DHDDS: variants seen among roughly 807,000 people sequenced by gnomAD.
The protein encoded by DHDDS is dehydrodolichyl diphosphate synthase complex subunit DHDDS.
A neutral mutation model predicts 46.2 loss-of-function variants in DHDDS; 16 were observed. The ratio of observed to expected loss-of-function variants is 0.35; its 90% confidence interval spans 0.23 to 0.53. DHDDS has a LOEUF of 0.53. Among genes scored for constraint, DHDDS ranks in the 20% least tolerant of loss-of-function variants. The pLI is 0.94. For synonymous variants in DHDDS, 151 were observed against 163.1 expected, an observed-to-expected ratio of 0.93 and a Z score of 0.56; for missense variants, 340 against 423.7, an observed-to-expected ratio of 0.80 and a Z score of 1.73.
chr1:26,468,361 C>T (rs184513932), intron 8 of DHDDS, among the ~76,000 whole-genome samples: 1 of 152,172 alleles, frequency 6.6e-6, no homozygotes, highest in Admixed American at 6.5e-5. Context: ...GGAAGTGACC[C>T]AAGGGACATG....
chr1:26,468,631 A>C (rs2075517158), intron 8 of DHDDS, among the ~76,000 whole-genome samples: 2 of 152,170 alleles, frequency 1.3e-5, no homozygotes, highest in African/African-American at 4.8e-5. Context: ...TTTGGTTCCA[A>C]GAGCATGAGA....
intron 2 of DHDDS, among the ~76,000 whole-genome samples, chr1:26,434,673 G>A (rs912228828): frequency 2.6e-4 from 39 of 152,240 alleles, no homozygotes; most frequent in South Asian, 8.3e-4. Context: ...TCTTTTTTGA[G>A]ATGCAGTCTT....
chr1:26,463,588 C>T lies in DHDDS; in HGVS notation c.765+3444C>T, dbSNP rs181413265. Reference sequence around the variant, plus strand: ...ATGGCGTGATCTCGGCTCACTGCAACCTCCGCCTCCCAGGTTCAAGCGATT... The same window carrying T: ...ATGGCGTGATCTCGGCTCACTGCAATCTCCGCCTCCCAGGTTCAAGCGATT... On this transcript the variant is annotated intron_variant, in intron 8 of 8. Coordinates refer to ENST00000236342, the MANE Select transcript of DHDDS (RefSeq NM_205861.3). Among the ~76,000 whole-genome samples, 32 of 152,164 alleles carry T rather than the reference C, an allele frequency of 2.1e-4. No individual in the cohort carries two copies. In the East Asian group the frequency reaches 5.2e-3, roughly 25 times the overall value.
Position 26,436,333 on chromosome 1 carries a change from G to A in DHDDS, c.64-1835G>A, listed in dbSNP as rs181423446. ...AGGACCTTTCTCCTCCCGAAAGGTG[G>A]AGGTTGCAAATGACCTGAGATAACA... On this transcript the variant is annotated intron_variant, in intron 2 of 8. Coordinates refer to ENST00000236342, the MANE Select transcript of DHDDS (RefSeq NM_205861.3). 9.2e-5 allele frequency among the ~76,000 whole-genome samples: 14 copies of A among 152,204 alleles called. No homozygotes were observed. The East Asian group carries it at 2.7e-3, about 30-fold the overall frequency.
chr1:26,458,951 T>C (rs1436707558), intron 7 of DHDDS, among the ~76,000 whole-genome samples: 1 of 151,872 alleles, frequency 6.6e-6, no homozygotes, highest in African/African-American at 2.4e-5. Context: ...GAATCTCATG[T>C]CTTACAAAAA....
At chr1:26,463,679 T>C (rs932065075) in intron 8 of DHDDS, among the ~76,000 whole-genome samples, 1 of 151,894 alleles carries the variant, frequency 6.6e-6, no homozygotes, top group Non-Finnish European at 1.5e-5. Context: ...GCTAATTTTA[T>C]ATTTTTAGTA....
intron 4 of DHDDS, among the ~76,000 whole-genome samples, chr1:26,443,858 T>C (rs901742206): frequency 1.3e-5 from 2 of 152,240 alleles, no homozygotes; most frequent in Non-Finnish European, 1.5e-5. Context: ...TTAAAGTGTT[T>C]ACTATATGCC....
chr1:26,468,747 C>T lies in DHDDS; in HGVS notation c.766-148C>T, dbSNP rs751832754. 2.0e-4 allele frequency: 225 copies of T among 1,119,402 alleles called. 2 individuals are homozygous for T. The Middle Eastern group carries it at 3.8e-3, about 19-fold the overall frequency. 69.3% of individuals were successfully genotyped at this position (1,119,402 alleles called of 1,614,324 possible). ...ATGAGCACCACCCACTGCATACCTA[C>T]TCCCAAGCCTTTTCAAATCTGGTAC... On this transcript the variant is annotated intron_variant, in intron 8 of 8. Transcript: ENST00000236342.
intron 4 of DHDDS, 184 bp downstream of exon 4, chr1:26,443,057 TAATAAAAAAGGGGGCA>T (rs1553121613): frequency 1.0e-4 from 120 of 1,166,824 alleles, no homozygotes; most frequent in Non-Finnish European, 1.3e-4. Context: ...TCTAACTTTT[TAATAAAAAAGGGGGCA>T]TTTATTTGAG....
At chr1:26,451,104 A>C (rs893213440) in intron 6 of DHDDS, among the ~76,000 whole-genome samples, 1 of 152,100 alleles carries the variant, frequency 6.6e-6, no homozygotes, top group Non-Finnish European at 1.5e-5. Flanking sequence ...TGCATGGTTT[A>C]GTAACTTGCC....
At chr1:26,464,514 C>T (rs1056735388) in intron 8 of DHDDS, among the ~76,000 whole-genome samples, 2 of 151,832 alleles carry the variant, frequency 1.3e-5, no homozygotes, top group East Asian at 3.9e-4. Flanking sequence ...AGGTCCTGGC[C>T]AGGCTTTCTC....
chr1:26,465,964 T>C (rs1422165516), intron 8 of DHDDS, among the ~76,000 whole-genome samples: 1 of 152,204 alleles, frequency 6.6e-6, no homozygotes, highest in Non-Finnish European at 1.5e-5. Context: ...GCAGCCTCTC[T>C]CCAGGTGCCA....
intron 8 of DHDDS, among the ~76,000 whole-genome samples, chr1:26,463,901 G>T (rs1347385080): frequency 6.6e-6 from 1 of 151,062 alleles, no homozygotes; most frequent in Non-Finnish European, 1.5e-5. Flanking sequence ...GCAATTGGTT[G>T]TATAGTTCTG....
In DHDDS at chr1:26,447,786, A is replaced by T. The variant is rs775930566; in HGVS notation, c.542+126A>T. 6 of 799,148 alleles carry T rather than the reference A, an allele frequency of 7.5e-6. No individual in the cohort carries two copies. The East Asian group carries it at 1.6e-4, about 21-fold the overall frequency. 49.5% of individuals were successfully genotyped at this position (799,148 alleles called of 1,614,324 possible). ...GGCAGTCCACTTGAGGCAGGCCAGG[A>T]GTTCAAGACCAGCCTGGCCAACATG... On this transcript the variant is annotated intron_variant, in intron 6 of 8. Coordinates refer to ENST00000236342, the MANE Select transcript of DHDDS (RefSeq NM_205861.3).
intron 6 of DHDDS, chr1:26,454,590 G>GT (rs964414389): frequency 0.072 from 41,094 of 571,048 alleles, no homozygotes; most frequent in Middle Eastern, 0.1. Context: ...AATGGGCCCT[G>GT]TTTTTTTTTT....
intron 7 of DHDDS, among the ~76,000 whole-genome samples, chr1:26,458,987 A>G (rs2075397890): frequency 6.6e-6 from 1 of 152,194 alleles, no homozygotes; most frequent in Non-Finnish European, 1.5e-5. Flanking sequence ...TGGTCTGCAA[A>G]AGGGAAATAA....
chr1:26,468,098 G>A (rs1029739705), intron 8 of DHDDS, among the ~76,000 whole-genome samples: 1 of 152,238 alleles, frequency 6.6e-6, no homozygotes, highest in Non-Finnish European at 1.5e-5. Flanking sequence ...CAAGAGGCTT[G>A]AAGGCTCTCA....
chr1:26,436,046 G>A (rs2075151290), intron 2 of DHDDS, among the ~76,000 whole-genome samples: 1 of 151,848 alleles, frequency 6.6e-6, no homozygotes, highest in Admixed American at 6.6e-5. Context: ...CACTGCACCT[G>A]GCCCTATGAG....
chr1:26,457,578 A>G (rs564176260), intron 6 of DHDDS, among the ~76,000 whole-genome samples: 5 of 152,114 alleles, frequency 3.3e-5, no homozygotes, highest in South Asian at 4.1e-4. Flanking sequence ...AAAAAAAAAA[A>G]AAAAAGAAAT....
Sources: allele counts gnomAD v4.1 joint callset (sites outside exome capture counted in the v4.1 genomes callset), GRCh38; gene constraint gnomAD v4.1.1; transcripts MANE v1.5; gene names NCBI Gene and HGNC (gene_info 2026-07-23, HGNC 2026-07-21).